GRM7: variants seen among roughly 807,000 people sequenced by gnomAD.
GRM7 encodes the protein glutamate metabotropic receptor 7, also known as metabotropic glutamate receptor 7.
A neutral mutation model predicts 84.5 loss-of-function variants in GRM7; 35 were observed. The observed-to-expected ratio is 0.41, with a 90% CI of 0.32 to 0.55. The LOEUF (loss-of-function observed/expected upper bound fraction) is 0.55. Ranked by LOEUF, GRM7 falls within the 20% of genes least tolerant of loss-of-function variation. The pLI is 0.19. For synonymous variants in GRM7, 487 were observed against 455.1 expected (o/e 1.07, Z -0.89); for missense variants, 1,003 against 1,194.6 (o/e 0.84, Z 2.36).
intron 1 of GRM7, among the ~76,000 whole-genome samples, chr3:6,947,126 G>A (rs1394208733): frequency 3.9e-5 from 6 of 152,108 alleles, no homozygotes; most frequent in African/African-American, 1.4e-4. Flanking sequence ...TCCCTGTCTT[G>A]TGCCAGTTTT....
At chr3:7,320,517 C>G (rs920879471) in intron 4 of GRM7, among the ~76,000 whole-genome samples, 2 of 151,890 alleles carry the variant, frequency 1.3e-5, no homozygotes, top group African/African-American at 2.4e-5. Context: ...GTTGTGTCCT[C>G]CAGATATAGA....
chr3:7,608,352 G>A (rs1244504987), intron 8 of GRM7, among the ~76,000 whole-genome samples: 1 of 152,094 alleles, frequency 6.6e-6, no homozygotes, highest in Non-Finnish European at 1.5e-5. Flanking sequence ...CAGTATATAA[G>A]CATTCCTTTA....
chr3:6,948,081 T>C (rs1397654974), intron 1 of GRM7, among the ~76,000 whole-genome samples: 1 of 152,192 alleles, frequency 6.6e-6, no homozygotes, highest in African/African-American at 2.4e-5. Context: ...TTTTAGTTAT[T>C]TCTTGCCTTC....
At chr3:7,467,286 A>G (rs1698499439) in intron 7 of GRM7, among the ~76,000 whole-genome samples, 1 of 152,088 alleles carries the variant, frequency 6.6e-6, no homozygotes, top group Non-Finnish European at 1.5e-5. Context: ...ATGGGGTTTC[A>G]CTGTGTTAGC....
chr3:7,394,236 T>C (rs1355324645), intron 4 of GRM7, among the ~76,000 whole-genome samples: 1 of 152,208 alleles, frequency 6.6e-6, no homozygotes, highest in African/African-American at 2.4e-5. Context: ...TTCAGCAGAC[T>C]TCAGTTGGTT....
intron 2 of GRM7, among the ~76,000 whole-genome samples, chr3:7,155,049 A>G (rs1478475250): frequency 1.3e-5 from 2 of 152,160 alleles, no homozygotes; most frequent in Non-Finnish European, 2.9e-5. Context: ...AGCCAGATCT[A>G]GAGTAGCTAA....
At chr3:7,127,935 T>C (rs1559458220) in intron 1 of GRM7, among the ~76,000 whole-genome samples, 1 of 152,114 alleles carries the variant, frequency 6.6e-6, no homozygotes, top group Non-Finnish European at 1.5e-5. Context: ...GAATGAAAAG[T>C]AGACCTTTTC....
intron 4 of GRM7, among the ~76,000 whole-genome samples, chr3:7,411,669 T>C (rs527677599): frequency 4.6e-5 from 7 of 152,340 alleles, no homozygotes; most frequent in Admixed American, 2.0e-4. Context: ...GATTCATACA[T>C]GTTTTTGTGA....
intron 1 of GRM7, among the ~76,000 whole-genome samples, chr3:6,884,949 G>A (rs1026678729): frequency 2.0e-5 from 3 of 152,180 alleles, no homozygotes; most frequent in African/African-American, 7.2e-5. Context: ...TTTAAGGACT[G>A]CAGAATGATG....
At position 7,125,058 on chromosome 3, in the gene GRM7, G is replaced by T. The variant is rs536253999; in HGVS notation, c.520-21394G>T. Among the ~76,000 whole-genome samples, 49 of 152,260 alleles carry T rather than the reference G, an allele frequency of 3.2e-4. 1 individual carries two copies. The highest frequency in any genetic ancestry group is 6.2e-4 in the Non-Finnish European group (42 of 68,018). On this transcript the variant is annotated intron_variant, in intron 1 of 9. Coordinates refer to ENST00000357716, the MANE Select transcript of GRM7 (RefSeq NM_000844.4). ...GGGTTCAAGTGATTCTCCTGCCTCA[G>T]TCTCCTGAGTAGCTGGGACTACAGG...
intron 7 of GRM7, among the ~76,000 whole-genome samples, chr3:7,534,470 G>A (rs1015755632): frequency 5.9e-5 from 9 of 152,110 alleles, no homozygotes; most frequent in African/African-American, 1.7e-4. Context: ...GGATTTGAAC[G>A]CATGTCTGGG....
rs189971863 is a variant in GRM7 at position 7,634,659 on chromosome 3, C to T, written c.2452-45390C>T. 8.4e-4 allele frequency among the ~76,000 whole-genome samples: 127 copies of T among 151,588 alleles called. 1 individual carries two copies. In the East Asian group the frequency reaches 0.02, roughly 24 times the overall value. ...AATACATAAAATTAGCCGGGCGTGG[C>T]GGTGTGCGCCTGTAGTCCAAGCTAC... On this transcript the variant is annotated intron_variant, in intron 8 of 9. Transcript: ENST00000357716.
Position 7,478,456 on chromosome 3 carries a change from G to C in GRM7, c.1515+16734G>C, listed in dbSNP as rs1418565256. 1.4e-4 allele frequency among the ~76,000 whole-genome samples: 21 copies of C among 152,124 alleles called. 1 individual carries two copies. Among genetic ancestry groups the C allele is most frequent in the Admixed American group, 1.4e-3 (21 of 15,276 alleles). ...ACGACTGGAACATTTTGCAAAGGAA[G>C]GAGAGAGAAAAAAGCATGGAATTTA... On this transcript the variant is annotated intron_variant, in intron 7 of 9. Coordinates refer to ENST00000357716, the MANE Select transcript of GRM7 (RefSeq NM_000844.4).
chr3:7,679,005 T>G (rs1700250259), intron 8 of GRM7, among the ~76,000 whole-genome samples: 1 of 152,170 alleles, frequency 6.6e-6, no homozygotes, highest in Non-Finnish European at 1.5e-5. Context: ...ACTTAAGGCC[T>G]AGCAGGAAAA....
At chr3:7,298,858 A>C (rs778959637) in intron 3 of GRM7, 33 bp downstream of exon 3, 9 of 1,584,430 alleles carry the variant, frequency 5.7e-6, no homozygotes, top group Non-Finnish European at 7.8e-6. Flanking sequence ...GTTAATATGC[A>C]TGTTGCAATT....
chr3:7,690,705 T>G (rs1351200629), intron 9 of GRM7, among the ~76,000 whole-genome samples: 2 of 152,230 alleles, frequency 1.3e-5, no homozygotes, highest in Non-Finnish European at 2.9e-5. Flanking sequence ...CACATGAACT[T>G]GAAAGATTCC....
intron 2 of GRM7, among the ~76,000 whole-genome samples, chr3:7,234,302 A>G (rs1357193196): frequency 6.6e-6 from 1 of 152,214 alleles, no homozygotes; most frequent in East Asian, 1.9e-4. Flanking sequence ...AGACTCAACT[A>G]GGTAAAGGAA....
chr3:7,544,890 A>G (rs867019010), intron 7 of GRM7, among the ~76,000 whole-genome samples: 1 of 152,208 alleles, frequency 6.6e-6, no homozygotes, highest in Non-Finnish European at 1.5e-5. Flanking sequence ...GTAAGTTCTA[A>G]AAATTTTCGA....
At chr3:7,352,066 C>CACACACAT in intron 4 of GRM7, among the ~76,000 whole-genome samples, 1 of 135,438 alleles carries the variant, frequency 7.4e-6, no homozygotes, top group African/African-American at 2.8e-5. Flanking sequence ...ACCACACACA[C>CACACACAT]ACACACACAC....
Sources: allele counts gnomAD v4.1 joint callset (sites outside exome capture counted in the v4.1 genomes callset), GRCh38; gene constraint gnomAD v4.1.1; transcripts MANE v1.5; gene names NCBI Gene and HGNC (gene_info 2026-07-23, HGNC 2026-07-21).